Variants in MEGF11 observed in about 807,000 individuals in gnomAD.
MEGF11 encodes multiple EGF like domains 11, also known as multiple epidermal growth factor-like domains protein 11.
A neutral mutation model predicts 146.6 loss-of-function variants in MEGF11; 126 were observed. The observed-to-expected ratio is 0.86, with a 90% confidence interval of 0.74 to 1.00. MEGF11 has a LOEUF of 1.00. MEGF11 is among the 50% of genes least tolerant of loss of function. MEGF11 has a pLI of 0.00. For missense variants in MEGF11, 1,509 were observed against 1,521.2 expected (o/e 0.99, Z 0.13); for synonymous variants, 532 against 583.4 (o/e 0.91, Z 1.27).
chr15:65,964,863 G>T, intron 9 of MEGF11, 45 bp downstream of exon 9: 1 of 1,490,684 alleles, frequency 6.7e-7, no homozygotes, highest in Non-Finnish European at 9.0e-7. Flanking sequence ...CTCTACCTGA[G>T]CACCCCCCGC....
chr15:66,162,857 A>G (rs937579858), intron 1 of MEGF11, among the ~76,000 whole-genome samples: 1 of 151,306 alleles, frequency 6.6e-6, no homozygotes, highest in Admixed American at 6.6e-5. Context: ...ATGAGAGAGA[A>G]AAAAAAGAAA....
chr15:66,215,621 C>A (rs1038313642), intron 1 of MEGF11, among the ~76,000 whole-genome samples: 8 of 152,190 alleles, frequency 5.3e-5, no homozygotes, highest in Non-Finnish European at 1.2e-4. Flanking sequence ...TCCCCACCCT[C>A]AAAAATGAGG....
intron 5 of MEGF11, among the ~76,000 whole-genome samples, chr15:66,090,232 G>A (rs1158873154): frequency 6.6e-6 from 1 of 152,164 alleles, no homozygotes; most frequent in Non-Finnish European, 1.5e-5. Flanking sequence ...GGGCAGGGCA[G>A]GGCAGGGTAG....
intron 4 of MEGF11, among the ~76,000 whole-genome samples, chr15:66,106,240 C>G (rs2087072801): frequency 6.6e-6 from 1 of 152,194 alleles, no homozygotes; most frequent in Non-Finnish European, 1.5e-5. Flanking sequence ...GAAGGCACAG[C>G]CTCTTCGAAC....
chr15:66,150,450 T>C (rs2089520718), intron 1 of MEGF11, among the ~76,000 whole-genome samples: 1 of 152,156 alleles, frequency 6.6e-6, no homozygotes, highest in African/African-American at 2.4e-5. Context: ...TGGAGAGTAA[T>C]TAATATTCTT....
chr15:65,963,542 G>A (rs1279983733), intron 9 of MEGF11, among the ~76,000 whole-genome samples: 3 of 151,480 alleles, frequency 2.0e-5, no homozygotes, highest in Non-Finnish European at 4.4e-5. Context: ...TTTCCTAGTA[G>A]TAACCCAAAT....
At chr15:65,994,031 C>T (rs1331372025) in intron 5 of MEGF11, among the ~76,000 whole-genome samples, 1 of 152,190 alleles carries the variant, frequency 6.6e-6, no homozygotes, top group Non-Finnish European at 1.5e-5. Flanking sequence ...GACAGGGGCC[C>T]CGGACCTCCC....
At chr15:66,030,320 T>C (rs1047966906) in intron 5 of MEGF11, among the ~76,000 whole-genome samples, 1 of 152,218 alleles carries the variant, frequency 6.6e-6, no homozygotes, top group Non-Finnish European at 1.5e-5. Context: ...CATGGACCCA[T>C]GCTATGTCAA....
intron 5 of MEGF11, among the ~76,000 whole-genome samples, chr15:66,008,450 C>CACACAA (rs1206804522): frequency 4.0e-5 from 6 of 151,530 alleles, no homozygotes; most frequent in African/African-American, 1.5e-4. Flanking sequence ...CACACACACA[C>CACACAA]AAAATTACAG....
intron 5 of MEGF11, among the ~76,000 whole-genome samples, chr15:66,081,398 A>G: frequency 6.6e-6 from 1 of 152,192 alleles, no homozygotes; most frequent in East Asian, 1.9e-4. Context: ...TTCTTTCTTG[A>G]GATAGAGTCT....
At chr15:66,252,616 C>G (rs972373500) in intron 1 of MEGF11, among the ~76,000 whole-genome samples, 1 of 152,226 alleles carries the variant, frequency 6.6e-6, no homozygotes, top group African/African-American at 2.4e-5. Flanking sequence ...CACGCCGAGG[C>G]TCGGCGCTCC....
At chr15:66,246,528 T>C (rs1216277382) in intron 1 of MEGF11, among the ~76,000 whole-genome samples, 2 of 151,924 alleles carry the variant, frequency 1.3e-5, no homozygotes, top group African/African-American at 4.8e-5. Context: ...ATCTGCCCAG[T>C]GCAGTGGCTC....
intron 5 of MEGF11, among the ~76,000 whole-genome samples, chr15:66,051,646 C>G (rs1170667205): frequency 6.6e-6 from 1 of 152,202 alleles, no homozygotes; most frequent in East Asian, 1.9e-4. Flanking sequence ...CTGGTGGCAG[C>G]CATCCCATCT....
At chr15:65,964,482 G>A (rs28620698) in intron 9 of MEGF11, among the ~76,000 whole-genome samples, 1,675 of 151,886 alleles carry the variant, frequency 0.011, 24 homozygotes, top group African/African-American at 0.037. Flanking sequence ...CCTGGTGCCC[G>A]TGTCTCTGGT....
At chr15:66,216,297 C>T (rs965296959) in intron 1 of MEGF11, among the ~76,000 whole-genome samples, 5 of 152,154 alleles carry the variant, frequency 3.3e-5, no homozygotes, top group African/African-American at 1.2e-4. Context: ...CTGCAGCCAT[C>T]ATGTAGGGGG....
intron 1 of MEGF11, among the ~76,000 whole-genome samples, chr15:66,138,714 TC>T (rs1359425610): frequency 6.6e-6 from 1 of 152,090 alleles, no homozygotes; most frequent in African/African-American, 2.4e-5. Flanking sequence ...TCATTTAACC[TC>T]CCGGGCTCCC....
chr15:66,245,828 C>T (rs982064965), intron 1 of MEGF11, among the ~76,000 whole-genome samples: 1 of 152,136 alleles, frequency 6.6e-6, no homozygotes, highest in African/African-American at 2.4e-5. Context: ...AGACACATGT[C>T]CCCCCATACA....
chr15:65,977,814 C>T (rs546586397), intron 7 of MEGF11, among the ~76,000 whole-genome samples: 1 of 152,084 alleles, frequency 6.6e-6, no homozygotes, highest in Non-Finnish European at 1.5e-5. Flanking sequence ...CAGTCCCCAA[C>T]GTAAGACTGT....
At chr15:66,136,128 C>T (rs528696393) in intron 1 of MEGF11, among the ~76,000 whole-genome samples, 17 of 152,322 alleles carry the variant, frequency 1.1e-4, no homozygotes, top group Admixed American at 2.6e-4. Flanking sequence ...TTTAACTGCC[C>T]TGAGCCTCCT....
Sources: allele counts gnomAD v4.1 joint callset (sites outside exome capture counted in the v4.1 genomes callset), GRCh38; gene constraint gnomAD v4.1.1; transcripts MANE v1.5; gene names NCBI Gene and HGNC (gene_info 2026-07-23, HGNC 2026-07-21).